ZFHX3: variants seen among roughly 807,000 people sequenced by gnomAD.
ZFHX3 encodes zinc finger homeobox protein 3.
In ZFHX3, 42 loss-of-function variants were observed where a neutral mutation model predicts 279.1. That is an observed-to-expected ratio of 0.15 (90% CI 0.12 to 0.19). ZFHX3 has a LOEUF of 0.19. Ranked by LOEUF, ZFHX3 falls within the 10% of genes least tolerant of loss-of-function variation. The pLI is 1.00. For synonymous variants in ZFHX3, 2,293 were observed against 1,957.8 expected (o/e 1.17, Z -4.52); for missense variants, 4,981 against 4,754.0 (o/e 1.05, Z -1.40).
chr16:73,250,564 C>T (rs911387261), intron 5 of ZFHX3, among the ~76,000 whole-genome samples: 7 of 152,054 alleles, frequency 4.6e-5, no homozygotes, highest in East Asian at 1.9e-4. Flanking sequence ...GACGGAATCT[C>T]GCTCTGTCAC....
At chr16:73,433,959 T>A (rs1454077895) in intron 3 of ZFHX3, among the ~76,000 whole-genome samples, 1 of 152,150 alleles carries the variant, frequency 6.6e-6, no homozygotes, top group African/African-American at 2.4e-5. Context: ...ACCCCACAGG[T>A]GGCTTAGTTA....
intron 5 of ZFHX3, 162 bp downstream of exon 5, chr16:72,829,615 CAA>C: frequency 1.5e-6 from 1 of 679,944 alleles, no homozygotes; most frequent in Non-Finnish European, 2.5e-6. Context: ...GGTGACTGCT[CAA>C]AGAAGCAAAC....
intron 2 of ZFHX3, among the ~76,000 whole-genome samples, chr16:73,629,599 A>G (rs1169801840): frequency 3.3e-5 from 5 of 152,220 alleles, no homozygotes; most frequent in Middle Eastern, 6.8e-3. Flanking sequence ...TGGGAAGGTA[A>G]TGAAAGACAA....
intron 1 of ZFHX3, among the ~76,000 whole-genome samples, chr16:73,058,178 C>CG (rs897573105): frequency 2.1e-5 from 3 of 144,852 alleles, no homozygotes; most frequent in African/African-American, 4.9e-5. Context: ...TCCACCCTCC[C>CG]GGGGGTCGCC....
In ZFHX3 at chr16:72,797,807, C is replaced by T; in HGVS notation, c.4875G>A (p.Arg1625=). The T allele has an allele frequency of 6.2e-7, 1 of 1,614,060 alleles. No homozygotes were observed. Among genetic ancestry groups the T allele is most frequent in the East Asian group, 2.2e-5 (1 of 44,852 alleles). The part of the protein sequence containing the change: ...MRSVLHQTKA[R]AAKLEAASGS... ...CACTTGCAGCCTCCAGCTTGGCTGC[C>T]CGGGCCTTGGTTTGATGTAACACAG... Residue 1625 remains arginine, a synonymous_variant, in exon 9 of 10, where the codon CGG becomes CGA. Transcript: ENST00000268489.
intron 8 of ZFHX3, among the ~76,000 whole-genome samples, chr16:73,090,357 C>T (rs1966057797): frequency 6.6e-6 from 1 of 152,152 alleles, no homozygotes; most frequent in Admixed American, 6.5e-5. Context: ...GGTGGCACTG[C>T]ACTCCAACCT....
At chr16:73,479,050 T>C (rs2018818935) in intron 2 of ZFHX3, among the ~76,000 whole-genome samples, 1 of 152,030 alleles carries the variant, frequency 6.6e-6, no homozygotes, top group African/African-American at 2.4e-5. Context: ...AGACTCCATC[T>C]CAAAAACAAA....
intron 5 of ZFHX3, among the ~76,000 whole-genome samples, chr16:73,175,066 T>C (rs1186446488): frequency 6.6e-6 from 1 of 151,150 alleles, no homozygotes; most frequent in African/African-American, 2.4e-5. Flanking sequence ...CCAAATCAGA[T>C]TAAGCCCATT....
At chr16:72,824,510 T>C (rs16971314) in intron 5 of ZFHX3, among the ~76,000 whole-genome samples, 5,759 of 152,226 alleles carry the variant, frequency 0.038, 622 homozygotes, top group East Asian at 0.29. Flanking sequence ...TGAAGCATTA[T>C]TGTGGTGTCA....
chr16:73,464,733 T>C (rs1406006259), intron 2 of ZFHX3, among the ~76,000 whole-genome samples: 1 of 152,232 alleles, frequency 6.6e-6, no homozygotes, highest in Non-Finnish European at 1.5e-5. Flanking sequence ...CGGCTGCCAA[T>C]GTCACAGCTG....
chr16:73,375,191 A>T (rs1376868535), intron 3 of ZFHX3, among the ~76,000 whole-genome samples: 4 of 152,120 alleles, frequency 2.6e-5, no homozygotes, highest in Non-Finnish European at 5.9e-5. Context: ...AATCATTATA[A>T]ACTCACGGAT....
chr16:73,780,859 A>G (rs1959446839), intron 1 of ZFHX3, among the ~76,000 whole-genome samples: 1 of 152,220 alleles, frequency 6.6e-6, no homozygotes. Flanking sequence ...TGAAAGTGCA[A>G]CATAACTGCC....
chr16:73,368,057 G>A (rs779980760), intron 3 of ZFHX3, among the ~76,000 whole-genome samples: 4 of 152,004 alleles, frequency 2.6e-5, no homozygotes, highest in Non-Finnish European at 5.9e-5. Flanking sequence ...TTTCAGTAGA[G>A]TCAGGGTTTC....
chr16:73,409,751 A>G (rs1687915927), intron 3 of ZFHX3, among the ~76,000 whole-genome samples: 1 of 152,232 alleles, frequency 6.6e-6, no homozygotes. Flanking sequence ...AAAATGTTGT[A>G]CATAACACAA....
chr16:72,933,280 T>C (rs1959921691), intron 3 of ZFHX3, among the ~76,000 whole-genome samples: 1 of 151,990 alleles, frequency 6.6e-6, no homozygotes, highest in Admixed American at 6.6e-5. Context: ...ATCTGAGCCC[T>C]GTCTTCAGAG....
At chr16:73,141,218 C>T (rs1966847091) in intron 6 of ZFHX3, among the ~76,000 whole-genome samples, 1 of 152,106 alleles carries the variant, frequency 6.6e-6, no homozygotes, top group South Asian at 2.1e-4. Flanking sequence ...AGTGAAATAC[C>T]TTAGAGATTG....
intron 4 of ZFHX3, among the ~76,000 whole-genome samples, chr16:72,881,575 G>C (rs1309094581): frequency 6.6e-6 from 1 of 152,162 alleles, no homozygotes; most frequent in Non-Finnish European, 1.5e-5. Flanking sequence ...AGTAGCCCTA[G>C]AAATGGATTC....
rs139939366 is a variant in ZFHX3, at chr16:73,121,867, G to A, written c.-897+9101C>T. Among the ~76,000 whole-genome samples, 1,030 of 151,970 alleles carry A rather than the reference G, an allele frequency of 6.8e-3. 14 individuals are homozygous for A. Among genetic ancestry groups the A allele is most frequent in the African/African-American group, 0.024 (985 of 41,454 alleles). On this transcript the variant is annotated intron_variant, in intron 7 of 17. Coordinates refer to the ZFHX3 transcript ENST00000641206. ...CCTGACCTCGTGATCCACCTGCCTC[G>A]GCCTCCGAAAGTGTTGGGATTACAG... is the stretch of plus-strand genomic sequence containing the variant.
intron 4 of ZFHX3, among the ~76,000 whole-genome samples, chr16:73,292,148 C>A (rs1298701726): frequency 1.3e-5 from 2 of 152,046 alleles, no homozygotes; most frequent in Middle Eastern, 3.2e-3. Flanking sequence ...TAAAACAAAT[C>A]AAAGGGAAAC....
Sources: allele counts gnomAD v4.1 joint callset (sites outside exome capture counted in the v4.1 genomes callset), GRCh38; gene constraint gnomAD v4.1.1; transcripts MANE v1.5; gene names NCBI Gene and HGNC (gene_info 2026-07-23, HGNC 2026-07-21).